PLAGL1: variants seen among roughly 807,000 people sequenced by gnomAD.
PLAGL1 encodes PLAG1 like zinc finger 1.
Under a neutral mutation model 4.6 loss-of-function variants are expected in PLAGL1, and 1 was observed. The ratio of observed to expected loss-of-function variants is 0.22; its 90% CI spans 0.08 to 1.03. PLAGL1 has a LOEUF of 1.03. PLAGL1 is among the 50% of genes least tolerant of loss of function. The pLI, the probability that PLAGL1 is intolerant of heterozygous loss-of-function variation, is 0.58. For missense variants in PLAGL1, 464 were observed against 570.4 expected (o/e 0.81, Z 1.90); for synonymous variants, 240 against 237.8 (o/e 1.01, Z -0.08).
rs1205996476 is a variant in PLAGL1, at chr6:144,006,668, G to A, written c.-584+1422C>T. 6.6e-6 allele frequency: 1 copy of A among 151,964 alleles called. No homozygotes were observed. The highest frequency in any genetic ancestry group is 1.5e-5 in the Non-Finnish European group (1 of 67,986). The allele number at this position is 151,964 out of a possible 1,614,324, so 9.4% of individuals were successfully genotyped here. ...TGTACAGTGTGCCCTTTTTATGAGT[G>A]GTGTATAATTTATCTTTCTCCTTCA... On this transcript the variant is annotated intron_variant, in intron 1 of 7. Transcript: ENST00000674357. The surrounding 1 kb of genome is among the most constrained non-coding windows in gnomAD (Gnocchi z 4.3).
At position 143,966,259 on chromosome 6, in the gene PLAGL1, T is replaced by C. The variant is rs1158115577; in HGVS notation, c.-471-61A>G. 1 of 152,238 alleles carries C rather than the reference T, an allele frequency of 6.6e-6. No homozygotes were observed. The highest frequency in any genetic ancestry group is 1.5e-5 in the Non-Finnish European group (1 of 68,046). 9.4% of individuals were successfully genotyped at this position (152,238 alleles called of 1,614,324 possible). A position where few individuals can be genotyped will look rare whatever the true frequency, so the allele number is the denominator to read the frequency against. ...AAAGTTGTTAATCAGGAGAGCAATATGTTCAGGCTTGTGTTATAGAAAGAA... is the reference window on the plus strand; with the variant it reads ...AAAGTTGTTAATCAGGAGAGCAATACGTTCAGGCTTGTGTTATAGAAAGAA... On this transcript the variant is annotated intron_variant, in intron 3 of 7. Coordinates refer to ENST00000674357, the MANE Select transcript of PLAGL1 (RefSeq NM_001317162.2). This position sits in a 1 kb window ranked among gnomAD's most constrained non-coding sequence, Gnocchi z 6.0.
Position 143,990,493 on chromosome 6 carries a change from CA to C in PLAGL1, c.-583-5320del, listed in dbSNP as rs1431494720. ...CACTATACTCCCACCCTTTCTCAGACAAACTTCTGAAAAGAACAGAAAACTT... is the reference window on the plus strand; with the variant it reads ...CACTATACTCCCACCCTTTCTCAGACAACTTCTGAAAAGAACAGAAAACTT... On this transcript the variant is annotated intron_variant, in intron 1 of 7. Transcript: ENST00000674357. This position sits in a 1 kb window ranked among gnomAD's most constrained non-coding sequence, Gnocchi z 5.4. Among the ~76,000 whole-genome samples, 1 of 152,182 alleles carries C rather than the reference CA, an allele frequency of 6.6e-6. No homozygotes were observed. Among genetic ancestry groups the C allele is most frequent in the African/African-American group, 2.4e-5 (1 of 41,446 alleles).
intron 1 of PLAGL1, among the ~76,000 whole-genome samples, chr6:144,060,616 A>C (rs1185930323): frequency 1.3e-5 from 2 of 152,224 alleles, no homozygotes; most frequent in African/African-American, 4.8e-5. Context: ...TCCCAAGAAA[A>C]AAATGAACCA....
chr6:144,012,201 C>T (rs1234854719), upstream of PLAGL1, among the ~76,000 whole-genome samples: 1 of 151,892 alleles, frequency 6.6e-6, no homozygotes, highest in Non-Finnish European at 1.5e-5. The surrounding 1 kb of genome is among the most constrained non-coding windows in gnomAD (Gnocchi z 4.8). Flanking sequence ...GCTTTCTTTC[C>T]TTTGGGTGAT....
chr6:144,046,265 C>T (rs1167819080), intron 1 of PLAGL1, among the ~76,000 whole-genome samples: 2 of 152,122 alleles, frequency 1.3e-5, no homozygotes, highest in Non-Finnish European at 1.5e-5. Context: ...AGAAAAGGTG[C>T]TCTGGTTTTT....
intron 1 of PLAGL1, among the ~76,000 whole-genome samples, chr6:144,049,754 A>G (rs1798446764): frequency 6.6e-6 from 1 of 152,216 alleles, no homozygotes; most frequent in South Asian, 2.1e-4. Context: ...GGGGACACAA[A>G]GCCTAATTAT....
chr6:144,051,954 A>G (rs1273679120), intron 1 of PLAGL1, among the ~76,000 whole-genome samples: 1 of 152,220 alleles, frequency 6.6e-6, no homozygotes, highest in Non-Finnish European at 1.5e-5. Context: ...AAACCATATC[A>G]CATATATTCA....
Position 143,942,770 on chromosome 6 carries a change from G to T in PLAGL1, c.153-107C>A. The T allele has an allele frequency of 2.6e-6, 2 of 775,824 alleles. No individual in the cohort carries two copies. The highest frequency in any genetic ancestry group is 3.9e-6 in the Non-Finnish European group (2 of 512,380). 48.1% of individuals were successfully genotyped at this position (775,824 alleles called of 1,614,324 possible). A position where few individuals can be genotyped will look rare whatever the true frequency, so the allele number is the denominator to read the frequency against. ...TGTTAATAGTTTTCTCTGGGTCTTG[G>T]TATAATTTTCAAAATTCTTTCATAT... is the stretch of plus-strand genomic sequence containing the variant. On this transcript the variant is annotated intron_variant, in intron 7 of 7. Transcript: ENST00000674357. This position sits in a 1 kb window ranked among gnomAD's most constrained non-coding sequence, Gnocchi z 7.6.
rs1001473222 is a variant in PLAGL1, at chr6:144,036,123, CT to C, written c.-151+28344del. ...GACCCAGAGGGCAGCTACAAGCCGACTTTTATGCTCTGCCTCCAGAATGACT... is the reference window on the plus strand; with the variant it reads ...GACCCAGAGGGCAGCTACAAGCCGACTTTATGCTCTGCCTCCAGAATGACT... On this transcript the variant is annotated intron_variant, in intron 1 of 3. Coordinates refer to the PLAGL1 transcript ENST00000437412. This position sits in a 1 kb window ranked among gnomAD's most constrained non-coding sequence, Gnocchi z 5.1. Among the ~76,000 whole-genome samples the C allele has an allele frequency of 6.6e-6, 1 of 152,180 alleles. No homozygotes were observed. The highest frequency in any genetic ancestry group is 1.5e-5 in the Non-Finnish European group (1 of 68,036).
At chr6:144,017,220 G>A (rs554353430) in intron 1 of PLAGL1, among the ~76,000 whole-genome samples, 4 of 151,892 alleles carry the variant, frequency 2.6e-5, no homozygotes, top group South Asian at 2.1e-4. Flanking sequence ...AAAGCGCATC[G>A]CTTCTGGCCA....
chr6:144,029,992 G>T (rs1796676836), intron 1 of PLAGL1, among the ~76,000 whole-genome samples: 1 of 152,074 alleles, frequency 6.6e-6, no homozygotes, highest in Non-Finnish European at 1.5e-5. Context: ...GGTGGCTCAC[G>T]CCTGTAATCC....
At position 143,941,543 on chromosome 6, in the gene PLAGL1, G is replaced by A. The variant is rs1224684390; in HGVS notation, c.1273C>T (p.Pro425Ser). 1.5e-5 allele frequency: 23 copies of A among 1,566,492 alleles called. No individual in the cohort carries two copies. The highest frequency in any genetic ancestry group is 1.7e-4 in the Middle Eastern group (1 of 5,748). ...LSCLGQQQQE[P>S]PLAMGTVSLG... ...CTCACAGTGCCCATGGCAAGTGGGG[G>A]TTCTTGCTGCTGCTGCCCCAGACAG... Residue 425 changes from proline (P) to serine (S), a missense_variant, in exon 8 of 8, where the codon CCC becomes TCC. Around this residue, in one of 4 missense-constraint regions of PLAGL1, gnomAD observed 248 missense variants for 250.1 expected, o/e 0.99. Transcript: ENST00000674357. The surrounding 1 kb of genome is among the most constrained non-coding windows in gnomAD (Gnocchi z 6.0).
intron 1 of PLAGL1, among the ~76,000 whole-genome samples, chr6:144,057,032 G>T (rs981284388): frequency 2.6e-5 from 4 of 152,054 alleles, no homozygotes; most frequent in Non-Finnish European, 5.9e-5. Context: ...AGGATATATT[G>T]GTTGCTTTCA....
chr6:144,047,683 G>A (rs1424618337), intron 1 of PLAGL1, among the ~76,000 whole-genome samples: 1 of 152,086 alleles, frequency 6.6e-6, no homozygotes, highest in Non-Finnish European at 1.5e-5. Flanking sequence ...CCCCACACCA[G>A]GTCTCTCCCT....
In PLAGL1 at chr6:143,964,602, G is replaced by A. The variant is rs1452395931; in HGVS notation, c.-399+185C>T. On this transcript the variant is annotated intron_variant, in intron 5 of 7. Coordinates refer to ENST00000674357, the MANE Select transcript of PLAGL1 (RefSeq NM_001317162.2). The surrounding 1 kb of genome is among the most constrained non-coding windows in gnomAD (Gnocchi z 4.3). ...ACTAGCTACAACTGCTGGAACTGGA[G>A]CCAATCTAGTTTTCAAAAAAGGCCA... 6.9e-6 allele frequency among the ~76,000 whole-genome samples: 1 copy of A among 145,746 alleles called. No homozygotes were observed. Among genetic ancestry groups the A allele is most frequent in the East Asian group, 2.1e-4 (1 of 4,716 alleles).
Position 144,016,002 on chromosome 6 carries a change from A to G in PLAGL1, c.-150-47024T>C, listed in dbSNP as rs1442210511. On this transcript the variant is annotated intron_variant, in intron 1 of 3. Coordinates refer to the PLAGL1 transcript ENST00000437412. This position sits in a 1 kb window ranked among gnomAD's most constrained non-coding sequence, Gnocchi z 4.2. ...AAATGGGCAAACTGCTGATACTGTC[A>G]ACACAGATGAATCAAAACAACAACA... 6.6e-6 allele frequency among the ~76,000 whole-genome samples: 1 copy of G among 152,220 alleles called. No individual in the cohort carries two copies. The highest frequency in any genetic ancestry group is 1.5e-5 in the Non-Finnish European group (1 of 68,046).
chr6:143,947,899 T>C lies in PLAGL1; in HGVS notation c.152+86A>G. 9.0e-7 allele frequency: 1 copy of C among 1,106,894 alleles called. No homozygotes were observed. Among genetic ancestry groups the C allele is most frequent in the African/African-American group, 1.5e-5 (1 of 64,974 alleles). 68.6% of individuals were successfully genotyped at this position (1,106,894 alleles called of 1,614,324 possible). On this transcript the variant is annotated intron_variant, in intron 7 of 7. Transcript: ENST00000674357. This position sits in a 1 kb window ranked among gnomAD's most constrained non-coding sequence, Gnocchi z 4.3. ...AAAATGCATCCATATCCTGTGTCCC[T>C]TTCCCCTTGCATCGTGTGGTCTGAG...
At position 143,990,049 on chromosome 6, in the gene PLAGL1, T is replaced by C. The variant is rs1051987667; in HGVS notation, c.-583-4875A>G. On this transcript the variant is annotated intron_variant, in intron 1 of 7. Coordinates refer to ENST00000674357, the MANE Select transcript of PLAGL1 (RefSeq NM_001317162.2). This position sits in a 1 kb window ranked among gnomAD's most constrained non-coding sequence, Gnocchi z 5.4. ...CTCCACCTCTCTATTCAAAATTTCT[T>C]ATACATTATCTTCTCCCTTTTTACT... 2.0e-5 allele frequency among the ~76,000 whole-genome samples: 3 copies of C among 152,194 alleles called. No individual in the cohort carries two copies. Among genetic ancestry groups the C allele is most frequent in the African/African-American group, 7.2e-5 (3 of 41,458 alleles).
intron 1 of PLAGL1, among the ~76,000 whole-genome samples, chr6:144,052,817 G>T (rs944804243): frequency 2.6e-5 from 4 of 152,108 alleles, no homozygotes; most frequent in Non-Finnish European, 4.4e-5. Flanking sequence ...CTTATGAAAA[G>T]AAATTCTATC....
Sources: allele counts gnomAD v4.1 joint callset (sites outside exome capture counted in the v4.1 genomes callset), GRCh38; gene constraint gnomAD v4.1.1; regional missense constraint gnomAD v4.1.1; non-coding constraint Gnocchi (gnomAD v3.1); transcripts MANE v1.5; gene names NCBI Gene and HGNC (gene_info 2026-07-23, HGNC 2026-07-21).